The following SPECC1L variants were observed in gnomAD, a reference collection of about 807,000 sequenced individuals.
SPECC1L encodes sperm antigen with calponin homology and coiled-coil domains 1 like.
SPECC1L carries 40 observed loss-of-function variants against 116.8 expected under a neutral mutation model. That is an observed-to-expected ratio of 0.34 (90% CI 0.27 to 0.45). The LOEUF is 0.45. SPECC1L is among the 20% of genes least tolerant of loss of function. The pLI is 1.00. For missense variants in SPECC1L, 1,110 were observed against 1,373.6 expected (o/e 0.81, Z 3.03); for synonymous variants, 504 against 500.6 (o/e 1.01, Z -0.09).
At chr22:24,316,933 A>T in intron 4 of SPECC1L, among the ~76,000 whole-genome samples, 1 of 95,736 alleles carries the variant, frequency 1.0e-5, no homozygotes, top group Non-Finnish European at 2.2e-5. Context: ...TCCCTCCCAG[A>T]CGGGGCGGCT....
intron 1 of SPECC1L, among the ~76,000 whole-genome samples, chr22:24,272,881 T>G (rs1434884771): frequency 6.6e-6 from 1 of 152,208 alleles, no homozygotes; most frequent in East Asian, 1.9e-4. Context: ...AGTGACTTTT[T>G]TGATAGCTGG....
intron 3 of SPECC1L, among the ~76,000 whole-genome samples, chr22:24,309,819 G>T (rs1436432228): frequency 6.6e-6 from 1 of 152,118 alleles, no homozygotes; most frequent in Non-Finnish European, 1.5e-5. Flanking sequence ...CAGTTAGTCT[G>T]TTTGTTCCTA....
At chr22:24,298,177 A>G (rs1601515037) in intron 2 of SPECC1L, among the ~76,000 whole-genome samples, 2 of 152,224 alleles carry the variant, frequency 1.3e-5, no homozygotes, top group Admixed American at 1.3e-4. Flanking sequence ...TTCATGTTAG[A>G]TGATTTTTGT....
At chr22:24,403,389 G>C (rs1216725460) in intron 14 of SPECC1L, among the ~76,000 whole-genome samples, 4 of 152,154 alleles carry the variant, frequency 2.6e-5, no homozygotes, top group African/African-American at 9.7e-5. Flanking sequence ...TGTTTTCTAT[G>C]TCTCTATTAT....
chr22:24,312,566 GCT>G (rs1198384235), intron 3 of SPECC1L, among the ~76,000 whole-genome samples: 17 of 152,094 alleles, frequency 1.1e-4, no homozygotes, highest in Admixed American at 1.1e-3. Context: ...ATCTTTAACT[GCT>G]CTGTGTTCCC....
At chr22:24,284,202 T>C (rs769859310) in intron 2 of SPECC1L, among the ~76,000 whole-genome samples, 67 of 152,154 alleles carry the variant, frequency 4.4e-4, no homozygotes, top group Non-Finnish European at 7.6e-4. Context: ...CATAGGTGTT[T>C]AGTGTTATAA....
intron 11 of SPECC1L, among the ~76,000 whole-genome samples, chr22:24,353,392 A>G (rs1168836254): frequency 6.6e-6 from 1 of 151,578 alleles, no homozygotes; most frequent in Non-Finnish European, 1.5e-5. Context: ...CTTGTCTGAT[A>G]TTTTCTTCTG....
intron 14 of SPECC1L, among the ~76,000 whole-genome samples, chr22:24,394,695 C>T (rs921093193): frequency 1.3e-5 from 2 of 152,182 alleles, no homozygotes; most frequent in Non-Finnish European, 2.9e-5. Flanking sequence ...CTTGCCAAGA[C>T]CATGTGGTCA....
At chr22:24,332,588 G>A (rs1174413123) in intron 8 of SPECC1L, among the ~76,000 whole-genome samples, 2 of 152,034 alleles carry the variant, frequency 1.3e-5, no homozygotes, top group African/African-American at 4.8e-5. Flanking sequence ...TGTAAGACTT[G>A]CTTTTTTTAT....
chr22:24,369,075 T>C, intron 13 of SPECC1L, 143 bp from the exon 14 acceptor site: 2 of 690,288 alleles, frequency 2.9e-6, no homozygotes, highest in African/African-American at 1.8e-5. Context: ...AAACTAAAAA[T>C]CAAATGTATG....
At chr22:24,412,096 T>C in intron 15 of SPECC1L, 1 of 375,204 alleles carries the variant, frequency 2.7e-6, no homozygotes, top group East Asian at 6.7e-5. Context: ...TAGCCCATTC[T>C]GCACTGTGGG....
At chr22:24,285,198 GT>G (rs1288991599) in intron 2 of SPECC1L, among the ~76,000 whole-genome samples, 1 of 152,178 alleles carries the variant, frequency 6.6e-6, no homozygotes, top group Non-Finnish European at 1.5e-5. Context: ...AGAGCTATAT[GT>G]CTACTAGTAC....
intron 12 of SPECC1L, among the ~76,000 whole-genome samples, chr22:24,364,086 C>A (rs951273090): frequency 3.3e-5 from 5 of 152,134 alleles, no homozygotes; most frequent in Non-Finnish European, 7.4e-5. Context: ...AGGTCAGGAA[C>A]TTTGTCGACT....
intron 4 of SPECC1L, among the ~76,000 whole-genome samples, chr22:24,316,669 T>C (rs1376538893): frequency 6.7e-6 from 1 of 149,610 alleles, no homozygotes; most frequent in Non-Finnish European, 1.5e-5. Flanking sequence ...AAGTCTCCCA[T>C]GTCTACCTCT....
At chr22:24,327,298 A>AC (rs1325202530) in intron 6 of SPECC1L, among the ~76,000 whole-genome samples, 1 of 150,860 alleles carries the variant, frequency 6.6e-6, no homozygotes, top group East Asian at 1.9e-4. Flanking sequence ...AAAAAAAAAA[A>AC]AAAACATCAG....
In SPECC1L at chr22:24,322,097, G is replaced by A. The variant is rs2040733956; in HGVS notation, c.1117G>A (p.Gly373Ser). The change falls in exon 5 of 17, where the codon GGC becomes AGC. Residue 373 changes from glycine to serine, a missense_variant. Coordinates refer to ENST00000314328, the MANE Select transcript of SPECC1L (RefSeq NM_015330.6). ...LDAPSSSESEGIPSIERSRKG... is the reference protein window; with the variant it reads ...LDAPSSSESESIPSIERSRKG... ...TGCACCATCCTCCTCAGAGTCGGAA[G>A]GCATCCCCAGCATAGAGCGCTCCCG... The A allele has an allele frequency of 6.2e-7, 1 of 1,613,970 alleles. No individual in the cohort carries two copies. The highest frequency in any genetic ancestry group is 1.7e-5 in the Admixed American group (1 of 60,006).
At chr22:24,394,369 G>T (rs1349763133) in intron 14 of SPECC1L, among the ~76,000 whole-genome samples, 1 of 152,182 alleles carries the variant, frequency 6.6e-6, no homozygotes, top group South Asian at 2.1e-4. Context: ...GAATGAGAGA[G>T]CTGTCTGGGG....
intron 4 of SPECC1L, among the ~76,000 whole-genome samples, chr22:24,318,392 G>C (rs940441594): frequency 6.6e-5 from 10 of 152,076 alleles, no homozygotes; most frequent in Non-Finnish European, 1.2e-4. Context: ...GTGGCGGCGC[G>C]CGCCTGCAAT....
chr22:24,296,869 C>T (rs2049275210), intron 2 of SPECC1L, among the ~76,000 whole-genome samples: 1 of 151,804 alleles, frequency 6.6e-6, no homozygotes, highest in South Asian at 2.1e-4. Context: ...TAGGTAGGGC[C>T]CATGGAATTC....
Sources: gnomAD v4.1 joint callset for allele counts (sites outside exome capture counted in the v4.1 genomes callset) on GRCh38, gnomAD v4.1.1 for gene constraint, MANE v1.5 for transcripts, NCBI Gene and HGNC (gene_info 2026-07-23, HGNC 2026-07-21) for gene names.